The following USH2A variants were observed in gnomAD, a reference collection of about 807,000 sequenced individuals.
USH2A encodes Usher syndrome 2A (autosomal recessive, mild).
A neutral mutation model predicts 538.9 loss-of-function variants in USH2A; 443 were observed. The ratio of observed to expected loss-of-function variants is 0.82; its 90% confidence interval spans 0.76 to 0.89. USH2A has a LOEUF of 0.89. Ranked by LOEUF, USH2A falls within the 40% of genes least tolerant of loss-of-function variation. The pLI is 0.00. For synonymous variants in USH2A, 2,413 were observed against 2,273.5 expected (o/e 1.06, Z -1.75); for missense variants, 6,633 against 6,324.8 (o/e 1.05, Z -1.65).
chr1:215,995,828 T>C (rs1668121788), intron 34 of USH2A, among the ~76,000 whole-genome samples: 1 of 152,206 alleles, frequency 6.6e-6, no homozygotes, highest in Admixed American at 6.5e-5. Flanking sequence ...GATTCAATTT[T>C]GGTACAATAA....
intron 16 of USH2A, among the ~76,000 whole-genome samples, chr1:216,204,664 A>T (rs1280707474): frequency 6.6e-6 from 1 of 152,170 alleles, no homozygotes; most frequent in East Asian, 1.9e-4. Flanking sequence ...TAATGCCTTT[A>T]TTTAACCCAA....
At chr1:216,252,776 A>G (rs2036187705) in intron 11 of USH2A, among the ~76,000 whole-genome samples, 1 of 152,228 alleles carries the variant, frequency 6.6e-6, no homozygotes, top group African/African-American at 2.4e-5. Context: ...ATCTAGTCCA[A>G]AGGATACAAA....
intron 37 of USH2A, among the ~76,000 whole-genome samples, chr1:215,945,850 T>C (rs1213788582): frequency 6.6e-6 from 1 of 152,152 alleles, no homozygotes; most frequent in African/African-American, 2.4e-5. Context: ...TTGATTTCAA[T>C]TGGAGTAGCT....
chr1:216,098,993 A>G (rs1330501218), intron 21 of USH2A, among the ~76,000 whole-genome samples: 1 of 152,176 alleles, frequency 6.6e-6, no homozygotes, highest in Non-Finnish European at 1.5e-5. Context: ...ATCTGGCTTG[A>G]GAAGTTTGTA....
intron 37 of USH2A, among the ~76,000 whole-genome samples, chr1:215,939,137 A>T (rs80009995): frequency 0.012 from 1,870 of 152,340 alleles, 37 homozygotes; most frequent in East Asian, 0.063. Flanking sequence ...AAGAACAATA[A>T]CATCAGGGTT....
intron 30 of USH2A, among the ~76,000 whole-genome samples, chr1:216,049,882 C>T (rs1156293837): frequency 6.6e-6 from 1 of 152,136 alleles, no homozygotes; most frequent in African/African-American, 2.4e-5. Context: ...TGCCATGCTT[C>T]TACATGAAAA....
chr1:215,844,755 A>G (rs967473425), intron 45 of USH2A, among the ~76,000 whole-genome samples: 2 of 152,176 alleles, frequency 1.3e-5, no homozygotes, highest in Admixed American at 1.3e-4. Context: ...GTGGGATATG[A>G]TGATAAATTA....
chr1:216,322,199 G>A (rs2037628299), intron 8 of USH2A, among the ~76,000 whole-genome samples: 1 of 152,132 alleles, frequency 6.6e-6, no homozygotes, highest in African/African-American at 2.4e-5. Context: ...CCCGTGTATT[G>A]TAAAGATAAT....
At chr1:216,011,763 A>G (rs1415647132) in intron 32 of USH2A, among the ~76,000 whole-genome samples, 2 of 151,918 alleles carry the variant, frequency 1.3e-5, no homozygotes, top group Admixed American at 1.3e-4. Flanking sequence ...TGACGCATAT[A>G]CTTTCTGCTC....
Position 215,728,380 on chromosome 1 carries a change from G to GGCGTCTGA in USH2A, c.11712-4_11715dup (p.Pro3906SerfsTer30). The GGCGTCTGA allele has an allele frequency of 1.2e-6, 2 of 1,613,948 alleles. No homozygotes were observed. The highest frequency in any genetic ancestry group is 1.7e-6 in the Non-Finnish European group (2 of 1,179,992). The stretch of plus-strand genomic sequence containing the variant: ...ACAGACTCCTCTTCAATGCCAGCAG[G>GGCGTCTGA]GCGTCTGAAAGGAAACCAAGCAGGC... On this transcript the variant is annotated frameshift_variant, in exon 61 of 72. Coordinates refer to ENST00000307340, the MANE Select transcript of USH2A (RefSeq NM_206933.4). LOFTEE classifies it high-confidence loss of function.
chr1:216,169,287 G>C (rs1490677260), intron 21 of USH2A, among the ~76,000 whole-genome samples: 1 of 152,006 alleles, frequency 6.6e-6, no homozygotes, highest in East Asian at 1.9e-4. Context: ...AACAAAAACA[G>C]TTTGTTTTCA....
At chr1:215,909,082 G>A (rs994671515) in intron 38 of USH2A, among the ~76,000 whole-genome samples, 4 of 150,758 alleles carry the variant, frequency 2.7e-5, no homozygotes, top group Non-Finnish European at 5.9e-5. Flanking sequence ...TATAATGTAT[G>A]TGTGTGTATA....
intron 9 of USH2A, among the ~76,000 whole-genome samples, chr1:216,321,458 C>T (rs1376158142): frequency 6.6e-6 from 1 of 152,112 alleles, no homozygotes; most frequent in Non-Finnish European, 1.5e-5. Context: ...CCTTGATTGA[C>T]ATAAATACAT....
chr1:215,724,761 G>A (rs1659762049), intron 61 of USH2A, among the ~76,000 whole-genome samples: 1 of 147,512 alleles, frequency 6.8e-6, no homozygotes, highest in Admixed American at 6.7e-5. Context: ...CTCTGCTCAA[G>A]GGCCAAGTCT....
intron 35 of USH2A, among the ~76,000 whole-genome samples, chr1:215,976,835 C>A (rs1667629382): frequency 1.3e-5 from 2 of 151,978 alleles, no homozygotes; most frequent in Non-Finnish European, 2.9e-5. Flanking sequence ...GTGTCTTTGA[C>A]AAGTTTTGCT....
rs552294837 is a variant in USH2A at position 216,110,357 on chromosome 1, C to A, written c.4628-13144G>T. On this transcript the variant is annotated intron_variant, in intron 21 of 71. Transcript: ENST00000307340. ...CTCTAAAACAAAAGAAAACAAAAAA[C>A]TAACAACAAATACTAGTTAACTTTT... 7.9e-5 allele frequency among the ~76,000 whole-genome samples: 12 copies of A among 151,966 alleles called. No homozygotes were observed. In the East Asian group the frequency reaches 1.7e-3, roughly 22 times the overall value.
At chr1:216,084,580 G>A (rs1024397672) in intron 25 of USH2A, 118 bp downstream of exon 25, 3 of 1,040,268 alleles carry the variant, frequency 2.9e-6, no homozygotes, top group Non-Finnish European at 4.3e-6. Context: ...GAATAACTAA[G>A]TATTTCTGTG....
intron 4 of USH2A, among the ~76,000 whole-genome samples, chr1:216,338,627 T>C (rs2038019682): frequency 6.6e-6 from 1 of 151,392 alleles, no homozygotes; most frequent in Non-Finnish European, 1.5e-5. Context: ...GTCAAACCAC[T>C]GAAGGAAATA....
intron 41 of USH2A, among the ~76,000 whole-genome samples, chr1:215,881,002 A>T (rs1210180771): frequency 1.3e-5 from 2 of 152,184 alleles, no homozygotes; most frequent in Non-Finnish European, 2.9e-5. Context: ...GCTACCTGGG[A>T]GGCTGAGGCA....
Sources: allele counts gnomAD v4.1 joint callset (sites outside exome capture counted in the v4.1 genomes callset), GRCh38; gene constraint gnomAD v4.1.1; transcripts MANE v1.5; gene names NCBI Gene and HGNC (gene_info 2026-07-23, HGNC 2026-07-21).